Variants in SYTL2 observed in about 807,000 individuals in gnomAD.
SYTL2 encodes the protein synaptotagmin like 2, also known as synaptotagmin-like protein 2.
A neutral mutation model predicts 198.7 loss-of-function variants in SYTL2; 165 were observed. The ratio of observed to expected loss-of-function variants is 0.83; its 90% CI spans 0.73 to 0.94. The LOEUF (loss-of-function observed/expected upper bound fraction) is 0.94, where lower values mean the gene tolerates loss of function less well. Among genes scored for constraint, SYTL2 ranks in the 40% least tolerant of loss-of-function variants. The pLI is 0.00. For missense variants in SYTL2, 2,835 were observed against 2,582.8 expected (o/e 1.10, Z -2.12); for synonymous variants, 966 against 917.7 (o/e 1.05, Z -0.95).
the SYTL2 span, among the ~76,000 whole-genome samples, chr11:85,847,642 A>C: frequency 2.0e-5 from 3 of 152,180 alleles, no homozygotes; most frequent in Non-Finnish European, 4.4e-5. Context: ...TGGTATTGTC[A>C]GTCTTTTAGG....
chr11:85,710,855 G>T (rs545607860), intron 13 of SYTL2, among the ~76,000 whole-genome samples: 3 of 152,100 alleles, frequency 2.0e-5, no homozygotes, highest in Non-Finnish European at 2.9e-5. Context: ...CATCTTCTTG[G>T]CAATTTAAGT....
At chr11:85,791,166 C>CAAAAAAAAAAA (rs568061365) in intron 1 of SYTL2, among the ~76,000 whole-genome samples, 24 of 39,534 alleles carry the variant, frequency 6.1e-4, no homozygotes, top group Non-Finnish European at 7.9e-4. Flanking sequence ...GAGTCTGCCT[C>CAAAAAAAAAAA]AAAAAAAAAA....
intron 18 of SYTL2, 164 bp from the exon 19 acceptor site, chr11:85,696,552 C>T (rs919098629): frequency 8.0e-6 from 5 of 627,714 alleles, no homozygotes; most frequent in Non-Finnish European, 1.4e-5. Flanking sequence ...GGTAGGAACA[C>T]ATCATGCTGA....
intron 2 of SYTL2, among the ~76,000 whole-genome samples, chr11:85,752,979 G>A (rs11234401): frequency 2.6e-5 from 3 of 113,704 alleles, no homozygotes; most frequent in Non-Finnish European, 3.5e-5. Context: ...AGGCAGCTGA[G>A]AATCATAAGA....
chr11:85,765,344 C>T (rs756474129), intron 1 of SYTL2, among the ~76,000 whole-genome samples: 44 of 152,146 alleles, frequency 2.9e-4, no homozygotes, highest in Non-Finnish European at 4.9e-4. Context: ...TCAAATGATT[C>T]TCCTGCCTCA....
chr11:85,785,074 G>A (rs1164132695), intron 1 of SYTL2, among the ~76,000 whole-genome samples: 6 of 152,008 alleles, frequency 3.9e-5, no homozygotes, highest in Non-Finnish European at 1.5e-5. Context: ...GTGAGAAAGG[G>A]GAAATTTGAG....
At chr11:85,766,044 A>G (rs943621554) in intron 1 of SYTL2, among the ~76,000 whole-genome samples, 3 of 152,142 alleles carry the variant, frequency 2.0e-5, no homozygotes, top group African/African-American at 7.2e-5. Context: ...AGGAGATAAA[A>G]TGAGGTGAGC....
chr11:85,769,844 G>A (rs1185497870), intron 1 of SYTL2, among the ~76,000 whole-genome samples: 3 of 152,106 alleles, frequency 2.0e-5, no homozygotes, highest in African/African-American at 4.8e-5. Flanking sequence ...CAGAATAACC[G>A]CACAGGCCCG....
intron 10 of SYTL2, chr11:85,717,738 C>T (rs577898081): frequency 3.3e-6 from 2 of 604,802 alleles, no homozygotes; most frequent in Admixed American, 4.3e-5. Context: ...TGGGATCAAA[C>T]AAAAGAGATA....
At position 85,726,982 on chromosome 11, in the gene SYTL2, C is replaced by T. The variant is rs1304873967; in HGVS notation, c.2376G>A (p.Val792=). ...CTTCCCAAAAGGATATTCTGTCACT[C>T]ACTCTTTTGTATTTCTCTCTCTGCA... ...NQVQREKYKR[V]SDRISFWEGE... The change falls in exon 8 of 20, where the codon GTG becomes GTA. Residue 792 remains valine (V), a synonymous_variant. Transcript: ENST00000359152. 3.3e-6 allele frequency: 5 copies of T among 1,536,522 alleles called. No homozygotes were observed. The highest frequency in any genetic ancestry group is 1.4e-5 in the African/African-American group (1 of 73,038).
At chr11:85,747,814 A>G (rs1403848977) in intron 3 of SYTL2, among the ~76,000 whole-genome samples, 1 of 152,214 alleles carries the variant, frequency 6.6e-6, no homozygotes, top group Non-Finnish European at 1.5e-5. Context: ...AATCAAATAA[A>G]CAAGAAGGTT....
chr11:85,819,440 C>T, the SYTL2 span, among the ~76,000 whole-genome samples: 1 of 152,190 alleles, frequency 6.6e-6, no homozygotes, highest in Admixed American at 6.5e-5. Flanking sequence ...CTGCACTCAG[C>T]TGAGAGCTCA....
chr11:85,829,155 G>A, the SYTL2 span, among the ~76,000 whole-genome samples: 1 of 152,052 alleles, frequency 6.6e-6, no homozygotes, highest in Non-Finnish European at 1.5e-5. Context: ...TGATGCTGAA[G>A]TTTGAGGTAC....
At chr11:85,823,960 G>T in the SYTL2 span, among the ~76,000 whole-genome samples, 1 of 152,092 alleles carries the variant, frequency 6.6e-6, no homozygotes, top group Non-Finnish European at 1.5e-5. Context: ...TAACAATTCT[G>T]GGACTTGCAA....
chr11:85,739,617 T>C (rs1048764725), intron 4 of SYTL2, among the ~76,000 whole-genome samples: 1 of 152,228 alleles, frequency 6.6e-6, no homozygotes, highest in Non-Finnish European at 1.5e-5. Flanking sequence ...CTTGTCTGTC[T>C]TTTATTGGGC....
In SYTL2 at chr11:85,726,373, T is replaced by C; in HGVS notation, c.2985A>G (p.Ser995=). 1.2e-6 allele frequency: 2 copies of C among 1,613,874 alleles called. No individual in the cohort carries two copies. The highest frequency in any genetic ancestry group is 1.7e-6 in the Non-Finnish European group (2 of 1,179,932). ...LRKFWDLEAN[S]NSKDNDKNIT... ...TATTCTTGTCATTATCCTTACTGTT[T>C]GAATTAGCTTCTAAGTCCCAAAACT... is the stretch of plus-strand genomic sequence containing the variant. Residue 995 remains serine (S), a synonymous_variant, in exon 8 of 20, where the codon TCA becomes TCG. Transcript: ENST00000359152.
chr11:85,833,045 AAG>A, the SYTL2 span, among the ~76,000 whole-genome samples: 3 of 29,474 alleles, frequency 1.0e-4, no homozygotes, highest in East Asian at 2.2e-3. Flanking sequence ...GAAAGAAAGA[AAG>A]AAAGAAAGAA....
At chr11:85,717,621 C>A in intron 10 of SYTL2, 91 bp from the exon 11 acceptor site, 3 of 1,048,488 alleles carry the variant, frequency 2.9e-6, no homozygotes, top group Non-Finnish European at 4.5e-6. Context: ...AGTTTCACAA[C>A]TGAGACAGCA....
At chr11:85,827,697 C>G in the SYTL2 span, among the ~76,000 whole-genome samples, 1 of 152,132 alleles carries the variant, frequency 6.6e-6, no homozygotes, top group East Asian at 1.9e-4. Context: ...TTACAGGAAG[C>G]TTGTTCCATG....
Sources: allele counts gnomAD v4.1 joint callset (sites outside exome capture counted in the v4.1 genomes callset), GRCh38; gene constraint gnomAD v4.1.1; transcripts MANE v1.5; gene names NCBI Gene and HGNC (gene_info 2026-07-23, HGNC 2026-07-21).